Variants in SCHIP1 observed in about 807,000 individuals in gnomAD.
The protein encoded by SCHIP1 is schwannomin-interacting protein 1.
In SCHIP1, 8 loss-of-function variants were observed where a neutral mutation model predicts 29.7. That is an observed-to-expected ratio of 0.27 (90% CI 0.16 to 0.49). The LOEUF is 0.49. Ranked by LOEUF, SCHIP1 falls within the 20% of genes least tolerant of loss-of-function variation. The pLI is 0.99. For missense variants in SCHIP1, 193 were observed against 294.6 expected, an observed-to-expected ratio of 0.66 and a Z score of 2.52; for synonymous variants, 76 against 94.9, an observed-to-expected ratio of 0.80 and a Z score of 1.16.
chr3:159,409,669 C>T, the SCHIP1 span, among the ~76,000 whole-genome samples: 40,441 of 151,784 alleles, frequency 0.27, 5,571 homozygotes, highest in Middle Eastern at 0.34. Flanking sequence ...TCCATGTTCA[C>T]GGAATAGAAG....
At chr3:159,840,200 A>C in exon 1 of SCHIP1, 1 of 1,535,740 alleles carries the variant, frequency 6.5e-7, no homozygotes, top group Non-Finnish European at 8.7e-7. Context: ...ACATCAGGAT[A>C]ACTGCTCGTA....
the SCHIP1 span, among the ~76,000 whole-genome samples, chr3:159,531,771 C>T: frequency 8.5e-5 from 13 of 152,206 alleles, no homozygotes; most frequent in East Asian, 1.9e-4. Flanking sequence ...TTTAACCAAA[C>T]GTTAGATAAG....
At chr3:159,857,083 C>A (rs555562583) in intron 1 of SCHIP1, among the ~76,000 whole-genome samples, 3 of 152,310 alleles carry the variant, frequency 2.0e-5, no homozygotes, top group Middle Eastern at 3.4e-3. Context: ...GGGCCAGGTT[C>A]TCCTTTTCTT....
chr3:159,279,119 A>G, the SCHIP1 span, among the ~76,000 whole-genome samples: 1 of 152,142 alleles, frequency 6.6e-6, no homozygotes, highest in Non-Finnish European at 1.5e-5. Flanking sequence ...CCCAAATCTC[A>G]CCTTGAATTG....
the SCHIP1 span, among the ~76,000 whole-genome samples, chr3:159,469,123 C>G: frequency 2.0e-5 from 3 of 152,046 alleles, no homozygotes; most frequent in African/African-American, 7.2e-5. Flanking sequence ...TCTACTCATT[C>G]ACACACAAGA....
rs566940351 is a variant in SCHIP1 at position 159,843,001 on chromosome 3, C to CTTTTT, written c.30+2811_30+2815dup. 2.7e-3 allele frequency among the ~76,000 whole-genome samples: 174 copies of CTTTTT among 63,700 alleles called. 28 individuals carry two copies. Among genetic ancestry groups the CTTTTT allele is most frequent in the East Asian group, 5.3e-3 (12 of 2,280 alleles). 41.8% of individuals were successfully genotyped at this position (63,700 alleles called of 152,430 possible). A position where few individuals can be genotyped will look rare whatever the true frequency, so the allele number is the denominator to read the frequency against. On this transcript the variant is annotated intron_variant, in intron 1 of 6. Transcript: ENST00000445224. ...TCCAGTTCTATCCCAATATTTCTTT[C>CTTTTT]TTTTTTTTTTTTTTTTTTTTTTTTT...
chr3:159,372,747 A>C, the SCHIP1 span, among the ~76,000 whole-genome samples: 1 of 152,082 alleles, frequency 6.6e-6, no homozygotes, highest in Admixed American at 6.6e-5. Flanking sequence ...AAGAGTAATA[A>C]TATTTTTTGC....
the SCHIP1 span, among the ~76,000 whole-genome samples, chr3:159,779,970 A>G: frequency 5.3e-5 from 8 of 152,300 alleles, no homozygotes; most frequent in Admixed American, 2.6e-4. Flanking sequence ...TCTTCCTCCT[A>G]TGATGGATGT....
chr3:159,764,694 C>G, the SCHIP1 span: 1 of 1,578,310 alleles, frequency 6.3e-7, no homozygotes, highest in Non-Finnish European at 8.6e-7. This position sits in a 1 kb window ranked among gnomAD's most constrained non-coding sequence, Gnocchi z 6.1. Context: ...AAGAGGAGGA[C>G]GAGCGCGACC....
At chr3:159,539,220 T>C in the SCHIP1 span, among the ~76,000 whole-genome samples, 1 of 139,648 alleles carries the variant, frequency 7.2e-6, no homozygotes, top group East Asian at 2.3e-4. Context: ...AACTTTTTGG[T>C]AGTCAATAAT....
the SCHIP1 span, among the ~76,000 whole-genome samples, chr3:159,512,073 A>G: frequency 9.2e-4 from 140 of 152,280 alleles, no homozygotes; most frequent in African/African-American, 3.2e-3. Flanking sequence ...TATCTGACAA[A>G]TAATTAGTGT....
chr3:159,770,367 C>T, the SCHIP1 span, among the ~76,000 whole-genome samples: 2 of 152,190 alleles, frequency 1.3e-5, no homozygotes, highest in Non-Finnish European at 2.9e-5. Context: ...TCAAGTGATT[C>T]TCCTGCCTCA....
chr3:159,556,691 TCTCA>T, the SCHIP1 span, among the ~76,000 whole-genome samples: 1 of 145,596 alleles, frequency 6.9e-6, no homozygotes, highest in Non-Finnish European at 1.5e-5. Flanking sequence ...CACCGCTTGT[TCTCA>T]CTCATAGGTG....
At chr3:159,466,802 T>G in the SCHIP1 span, among the ~76,000 whole-genome samples, 1 of 152,166 alleles carries the variant, frequency 6.6e-6, no homozygotes, top group Non-Finnish European at 1.5e-5. Flanking sequence ...AGCAGTCATC[T>G]GTTCAGCCTG....
chr3:159,832,678 C>G, the SCHIP1 span, among the ~76,000 whole-genome samples: 5 of 152,192 alleles, frequency 3.3e-5, no homozygotes, highest in Admixed American at 6.5e-5. Flanking sequence ...TTTGAAGAAA[C>G]TAGGCTCTGT....
At chr3:159,327,634 G>C in the SCHIP1 span, among the ~76,000 whole-genome samples, 1 of 152,114 alleles carries the variant, frequency 6.6e-6, no homozygotes, top group African/African-American at 2.4e-5. Flanking sequence ...CAAGCCCACT[G>C]TTTATAATAA....
At chr3:159,388,851 A>C in the SCHIP1 span, among the ~76,000 whole-genome samples, 1 of 152,152 alleles carries the variant, frequency 6.6e-6, no homozygotes, top group Non-Finnish European at 1.5e-5. Context: ...CATTTTATTC[A>C]TTTGAAAACA....
the SCHIP1 span, among the ~76,000 whole-genome samples, chr3:159,476,776 A>G: frequency 5.3e-5 from 8 of 152,288 alleles, no homozygotes; most frequent in South Asian, 4.1e-4. Flanking sequence ...CCTAATTAAC[A>G]TATATACCCT....
the SCHIP1 span, among the ~76,000 whole-genome samples, chr3:159,451,705 A>C: frequency 1.3e-5 from 2 of 152,348 alleles, no homozygotes; most frequent in East Asian, 3.9e-4. Flanking sequence ...GCTAAGATAA[A>C]TATAACTGTC....
Sources: allele counts gnomAD v4.1 joint callset (sites outside exome capture counted in the v4.1 genomes callset), GRCh38; gene constraint gnomAD v4.1.1; non-coding constraint Gnocchi (gnomAD v3.1); transcripts MANE v1.5; gene names NCBI Gene and HGNC (gene_info 2026-07-23, HGNC 2026-07-21).